The following SELENOO variants were observed in gnomAD, a reference collection of about 807,000 sequenced individuals.
SELENOO encodes protein adenylyltransferase SelO, mitochondrial.
A neutral mutation model predicts 58.7 loss-of-function variants in SELENOO; 74 were observed. That is an observed-to-expected ratio of 1.26 (90% CI 1.04 to 1.53). The LOEUF (loss-of-function observed/expected upper bound fraction) is 1.53, where lower values mean the gene tolerates loss of function less well. Among genes scored for constraint, SELENOO ranks in the 40% most tolerant of loss-of-function variants. SELENOO has a pLI of 0.00. For synonymous variants in SELENOO, 543 were observed against 453.2 expected, an observed-to-expected ratio of 1.20 and a Z score of -2.52; for missense variants, 1,149 against 970.0, an observed-to-expected ratio of 1.18 and a Z score of -2.45.
rs540920396 is a variant in SELENOO at position 50,217,608 on chromosome 22, C to G, written c.*239C>G. On this transcript the variant is annotated 3_prime_UTR_variant, in exon 9 of 9. Transcript: ENST00000380903. ...CCCAGGCTCCTAAATAAACCAGCAA[C>G]TCCCTCGAGTCTGTCTCTGTGGTCA... 3.6e-5 allele frequency: 38 copies of G among 1,041,362 alleles called. No homozygotes were observed. Among genetic ancestry groups the G allele is most frequent in the Non-Finnish European group, 5.0e-5 (36 of 725,004 alleles). The allele number at this position is 1,041,362 out of a possible 1,614,324, so 64.5% of individuals were successfully genotyped here.
Position 50,210,698 on chromosome 22 carries a change from G to A in SELENOO, c.1138G>A (p.Glu380Lys), listed in dbSNP as rs750808619. ...CCGCTACGCGTACAGCAAGCAGCCC[G>A]AGGTGTGCAGGTGGAACCTGCGGAA... ...TGRYAYSKQP[E>K]VCRWNLRKLA... The change falls in exon 5 of 9, where the codon GAG becomes AAG. Residue 380 changes from glutamate (E) to lysine (K), a missense_variant. Glu to Lys is a moderately conservative substitution (Grantham distance 56). Transcript: ENST00000380903. The A allele has an allele frequency of 1.9e-5, 30 of 1,613,284 alleles. 1 individual carries two copies. Among genetic ancestry groups the A allele is most frequent in the African/African-American group, 5.3e-5 (4 of 74,956 alleles).
At chr22:50,206,942 G>A (rs1382036035) in intron 2 of SELENOO, among the ~76,000 whole-genome samples, 2 of 152,164 alleles carry the variant, frequency 1.3e-5, no homozygotes, top group East Asian at 3.9e-4. Context: ...GTCCAGAGCT[G>A]TTTGCTGGAG....
chr22:50,210,377 C>T (rs2064360594), intron 4 of SELENOO, 66 bp downstream of exon 4: 33 of 1,563,558 alleles, frequency 2.1e-5, no homozygotes, highest in Non-Finnish European at 2.8e-5. Context: ...TGCATGAAAC[C>T]TGCTGCCCCC....
rs760003451 is a variant in SELENOO, at chr22:50,201,109, C to T, written c.73C>T (p.Pro25Ser). 1.6e-5 allele frequency: 22 copies of T among 1,345,762 alleles called. No homozygotes were observed. In the South Asian group the frequency reaches 3.9e-4, roughly 24 times the overall value. 83.4% of individuals were successfully genotyped at this position (1,345,762 alleles called of 1,614,324 possible). The part of the protein sequence containing the change: ...ARLLPLGRCS[P>S]SPAPRSTLSG... ...ACTCTTGCCCCTCGGTCGCTGTTCC[C>T]CGTCGCCGGCGCCCCGCTCTACGTT... Residue 25 changes from proline to serine, a missense_variant, in exon 1 of 9, where the codon CCG (proline) becomes TCG (serine). Physicochemically the swap from Pro to Ser is moderately conservative, Grantham distance 74. Transcript: ENST00000380903.
At position 50,201,160 on chromosome 22, in the gene SELENOO, C is replaced by A. The variant is rs1481837737; in HGVS notation, c.124C>A (p.Pro42Thr). ...TLSGAAMEPAPRWLAGLRFDN... is the reference protein window; with the variant it reads ...TLSGAAMEPATRWLAGLRFDN... ...GTCGGGCGCCGCCATGGAGCCCGCG[C>A]CTCGCTGGCTGGCGGGGCTGCGCTT... The change falls in exon 1 of 9, where the codon CCT becomes ACT. Residue 42 changes from proline to threonine, a missense_variant. By Grantham distance (38) the Pro-to-Thr change is conservative. Transcript: ENST00000380903. The A allele has an allele frequency of 1.6e-6, 2 of 1,257,316 alleles. No homozygotes were observed. Among genetic ancestry groups the A allele is most frequent in the East Asian group, 6.5e-5 (2 of 30,672 alleles). The allele number at this position is 1,257,316 out of a possible 1,614,324, so 77.9% of individuals were successfully genotyped here.
chr22:50,213,026 A>C (rs1352309772), intron 5 of SELENOO, among the ~76,000 whole-genome samples: 1 of 152,162 alleles, frequency 6.6e-6, no homozygotes, highest in Non-Finnish European at 1.5e-5. Context: ...CTTTCTGGTC[A>C]CTGCTTTTGC....
At chr22:50,204,131 T>C (rs1477685530) in intron 1 of SELENOO, among the ~76,000 whole-genome samples, 1 of 152,134 alleles carries the variant, frequency 6.6e-6, no homozygotes, top group Non-Finnish European at 1.5e-5. Context: ...AAACCAAAAC[T>C]ACAGTGGGAC....
chr22:50,210,008 A>G (rs1006056311), intron 3 of SELENOO, among the ~76,000 whole-genome samples, 173 bp from the exon 4 acceptor site: 1 of 152,366 alleles, frequency 6.6e-6, no homozygotes, highest in South Asian at 2.1e-4. Flanking sequence ...CGCACTCTTC[A>G]TCGCCACCTT....
In SELENOO at chr22:50,211,040, C is replaced by T; in HGVS notation, c.1351+129C>T. The T allele has an allele frequency of 5.5e-6, 5 of 909,508 alleles. 1 individual carries two copies. The highest frequency in any genetic ancestry group is 4.9e-5 in the African/African-American group (3 of 60,878). 56.3% of individuals were successfully genotyped at this position (909,508 alleles called of 1,614,324 possible). ...GGGCCCACCCCAGCCCTGGCACCCCCATTCTACTCTCTGTCTTTATGAATT... is the reference window on the plus strand; with the variant it reads ...GGGCCCACCCCAGCCCTGGCACCCCTATTCTACTCTCTGTCTTTATGAATT... On this transcript the variant is annotated intron_variant, in intron 5 of 8. Coordinates refer to ENST00000380903, the MANE Select transcript of SELENOO (RefSeq NM_031454.2).
chr22:50,201,097 G>T lies in SELENOO; in HGVS notation c.61G>T (p.Gly21Cys). ...SLAAARLLPL[G>C]RCSPSPAPRS... is the part of the protein sequence containing the mutation. The stretch of plus-strand genomic sequence containing the variant: ...CGCGGCTGCCCGACTCTTGCCCCTC[G>T]GTCGCTGTTCCCCGTCGCCGGCGCC... The change falls in exon 1 of 9, where the codon GGT becomes TGT. Residue 21 changes from glycine (G) to cysteine (C), a missense_variant. Coordinates refer to ENST00000380903, the MANE Select transcript of SELENOO (RefSeq NM_031454.2). 5 of 1,366,162 alleles carry T rather than the reference G, an allele frequency of 3.7e-6. No homozygotes were observed. The highest frequency in any genetic ancestry group is 4.7e-6 in the Non-Finnish European group (5 of 1,059,646). 84.6% of individuals were successfully genotyped at this position (1,366,162 alleles called of 1,614,324 possible).
chr22:50,215,773 T>C lies in SELENOO; in HGVS notation c.1408T>C (p.Ser470Pro). 1 of 1,611,346 alleles carries C rather than the reference T, an allele frequency of 6.2e-7. No homozygotes were observed. The highest frequency in any genetic ancestry group is 1.1e-5 in the South Asian group (1 of 90,976). The change falls in exon 6 of 9, where the codon TCG (serine) becomes CCG (proline). Residue 470 changes from serine to proline, a missense_variant. By Grantham distance (74) the Ser-to-Pro change is moderately conservative (BLOSUM62 -1). Coordinates refer to ENST00000380903, the MANE Select transcript of SELENOO (RefSeq NM_031454.2). The part of the protein sequence containing the change: ...LLSSFPVELE[S>P]PGLAEFLARL... ...GAGCTCCTTCCCAGTGGAGCTAGAGTCGCCAGGCCTGGCGGAATTCCTGGC... is the reference window on the plus strand; with the variant it reads ...GAGCTCCTTCCCAGTGGAGCTAGAGCCGCCAGGCCTGGCGGAATTCCTGGC...
chr22:50,211,348 T>TC (rs1429328767), intron 5 of SELENOO, among the ~76,000 whole-genome samples: 1 of 152,196 alleles, frequency 6.6e-6, no homozygotes, highest in Non-Finnish European at 1.5e-5. Flanking sequence ...CTCCCTGCTT[T>TC]CAGTTCCGTG....
At chr22:50,208,465 T>C (rs2064346739) in intron 2 of SELENOO, 71 bp from the exon 3 acceptor site, 3 of 1,432,154 alleles carry the variant, frequency 2.1e-6, no homozygotes, top group Non-Finnish European at 1.9e-6. Context: ...ACAACGTCTT[T>C]TCCTTTTTCT....
chr22:50,204,740 C>T (rs914151599), intron 1 of SELENOO, among the ~76,000 whole-genome samples: 1 of 152,160 alleles, frequency 6.6e-6, no homozygotes, highest in Non-Finnish European at 1.5e-5. Flanking sequence ...TGTGGAAGTT[C>T]CTCAAATAAT....
At chr22:50,212,220 G>T (rs905056775) in intron 5 of SELENOO, among the ~76,000 whole-genome samples, 1 of 152,094 alleles carries the variant, frequency 6.6e-6, no homozygotes, top group African/African-American at 2.4e-5. Flanking sequence ...CCATTTGTTC[G>T]TAAGAGTATT....
At chr22:50,215,569 G>T in intron 5 of SELENOO, 148 bp from the exon 6 acceptor site, 1 of 602,544 alleles carries the variant, frequency 1.7e-6, no homozygotes, top group South Asian at 2.1e-5. Flanking sequence ...GTGTGGATCC[G>T]TGCTGGCGGT....
chr22:50,205,617 AC>A (rs1470987729), intron 1 of SELENOO: 1 of 152,368 alleles, frequency 6.6e-6, no homozygotes. Context: ...TGTGTATTTT[AC>A]CACAGTGAAA....
At chr22:50,202,217 A>G (rs76246236) in intron 1 of SELENOO, among the ~76,000 whole-genome samples, 1 of 151,832 alleles carries the variant, frequency 6.6e-6, no homozygotes, top group Admixed American at 6.6e-5. Flanking sequence ...AATGACTAGG[A>G]AAGTGTACAT....
chr22:50,208,522 G>A lies in SELENOO; in HGVS notation c.759-14G>A. On this transcript the variant is annotated splice_polypyrimidine_tract_variant and intron_variant, in intron 2 of 8. Transcript: ENST00000380903. ...TCAGGTTTGGGCTGTTGACGCCTCG[G>A]GTCTTCCCTCCAGGTTTGGATCCTT... is the stretch of plus-strand genomic sequence containing the variant. The A allele has an allele frequency of 1.2e-6, 2 of 1,609,772 alleles. No homozygotes were observed. The highest frequency in any genetic ancestry group is 2.2e-5 in the East Asian group (1 of 44,766).
Sources: gnomAD v4.1 joint callset for allele counts (sites outside exome capture counted in the v4.1 genomes callset) on GRCh38, gnomAD v4.1.1 for gene constraint, MANE v1.5 for transcripts, NCBI Gene and HGNC (gene_info 2026-07-23, HGNC 2026-07-21) for gene names.